Variants in PACS2 observed in about 807,000 individuals in gnomAD.
The protein encoded by PACS2 is PACS1-like protein.
A neutral mutation model predicts 113.0 loss-of-function variants in PACS2; 36 were observed. That is an observed-to-expected ratio of 0.32 (90% CI 0.24 to 0.42). PACS2 has a LOEUF of 0.42. PACS2 is among the 10% of genes least tolerant of loss of function. The probability of loss-of-function intolerance (pLI) is 1.00; values close to 1 mark genes in which losing one functional copy is unlikely to be tolerated. For missense variants in PACS2, 1,015 were observed against 1,239.5 expected, an observed-to-expected ratio of 0.82 and a Z score of 2.72; for synonymous variants, 589 against 536.1, an observed-to-expected ratio of 1.10 and a Z score of -1.36.
intron 15 of PACS2, 105 bp downstream of exon 15, chr14:105,383,018 G>T: frequency 1.4e-6 from 1 of 705,864 alleles, no homozygotes; most frequent in Admixed American, 2.2e-5. Context: ...TGGACCTGGG[G>T]CTGTGGCTGG....
chr14:105,362,775 T>C (rs142516277), intron 4 of PACS2, among the ~76,000 whole-genome samples: 3,936 of 151,686 alleles, frequency 0.026, 160 homozygotes, highest in African/African-American at 0.087. Flanking sequence ...CGCTTGAACC[T>C]GGGAGGCAGA....
chr14:105,389,119 C>T (rs1190114557), intron 19 of PACS2: 2 of 152,290 alleles, frequency 1.3e-5, no homozygotes, highest in African/African-American at 2.4e-5. Flanking sequence ...AGCTGGACCA[C>T]AGGACAGCCC....
chr14:105,359,631 G>A (rs1480183071), intron 4 of PACS2, among the ~76,000 whole-genome samples: 12 of 115,548 alleles, frequency 1.0e-4, no homozygotes, highest in Admixed American at 2.1e-4. Context: ...TCGCTCTGTC[G>A]CCCAGGCTGG....
intron 4 of PACS2, among the ~76,000 whole-genome samples, chr14:105,362,869 A>G (rs1555406999): frequency 6.6e-6 from 1 of 152,186 alleles, no homozygotes; most frequent in Non-Finnish European, 1.5e-5. Flanking sequence ...ATAAGACTTG[A>G]AAGTTGAAAT....
At position 105,348,330 on chromosome 14, in the gene PACS2, G is replaced by A. The variant is rs981869944; in HGVS notation, c.120-163G>A. Among the ~76,000 whole-genome samples the A allele has an allele frequency of 1.3e-5, 2 of 152,298 alleles. No homozygotes were observed. Among genetic ancestry groups the A allele is most frequent in the Non-Finnish European group, 2.9e-5 (2 of 67,994 alleles). On this transcript the variant is annotated intron_variant, in intron 1 of 24. Coordinates refer to ENST00000447393, the MANE Select transcript of PACS2 (RefSeq NM_001100913.3). This position sits in a 1 kb window ranked among gnomAD's most constrained non-coding sequence, Gnocchi z 6.4. ...CACCATGTGCAGGGACAGCTGGGGT[G>A]ATGTCTTGGAGCCCTGTGAGGTCCT...
chr14:105,363,668 C>G (rs1555407192), intron 4 of PACS2, among the ~76,000 whole-genome samples: 1 of 152,228 alleles, frequency 6.6e-6, no homozygotes, highest in Admixed American at 6.5e-5. Flanking sequence ...GCTGATTCTC[C>G]TTCCTGTGTT....
chr14:105,302,483 A>G (rs1197125918), intron 1 of PACS2, among the ~76,000 whole-genome samples: 1 of 152,096 alleles, frequency 6.6e-6, no homozygotes, highest in African/African-American at 2.4e-5. Flanking sequence ...GATTACAGGC[A>G]TGAGCCACCG....
chr14:105,348,537 T>C lies in PACS2; in HGVS notation c.164T>C (p.Leu55Pro). The C allele has an allele frequency of 6.2e-7, 1 of 1,612,512 alleles. No individual in the cohort carries two copies. Among genetic ancestry groups the C allele is most frequent in the Middle Eastern group, 1.7e-4 (1 of 6,060 alleles). Residue 55 changes from leucine (L) to proline (P), a missense_variant, in exon 2 of 25, where the codon CTG (leucine) becomes CCG (proline). Physicochemically the swap from Leu to Pro is moderately conservative, Grantham distance 98. Coordinates refer to ENST00000447393, the MANE Select transcript of PACS2 (RefSeq NM_001100913.3). This position sits in a 1 kb window ranked among gnomAD's most constrained non-coding sequence, Gnocchi z 6.4. ...TLKKLVVFKE[L>P]EKELISVVIA... Reference sequence around the variant, plus strand: ...AAGAAGCTGGTGGTCTTCAAGGAGCTGGAGAAGGAGCTGATCTCCGTGGTG... The same window carrying C: ...AAGAAGCTGGTGGTCTTCAAGGAGCCGGAGAAGGAGCTGATCTCCGTGGTG...
chr14:105,348,998 A>T lies in PACS2; in HGVS notation c.207+418A>T, dbSNP rs1450031599. 6.6e-6 allele frequency among the ~76,000 whole-genome samples: 1 copy of T among 152,212 alleles called. No homozygotes were observed. The highest frequency in any genetic ancestry group is 1.5e-5 in the Non-Finnish European group (1 of 68,018). ...AGGCGAGGGCCTAGCCAGAACTCCC[A>T]GCCCCTGGTGCCAGGGCCTCTCTCC... On this transcript the variant is annotated intron_variant, in intron 2 of 24. Coordinates refer to ENST00000447393, the MANE Select transcript of PACS2 (RefSeq NM_001100913.3). The surrounding 1 kb of genome is among the most constrained non-coding windows in gnomAD (Gnocchi z 6.4).
chr14:105,352,307 C>A, intron 2 of PACS2, 71 bp from the exon 3 acceptor site: 1 of 968,136 alleles, frequency 1.0e-6, no homozygotes, highest in Non-Finnish European at 1.7e-6. Flanking sequence ...GTGCAGGAGT[C>A]ACGGTGTCTT....
chr14:105,352,783 C>G (rs1216867686), intron 3 of PACS2, among the ~76,000 whole-genome samples: 2 of 132,620 alleles, frequency 1.5e-5, no homozygotes, highest in Non-Finnish European at 3.2e-5. Flanking sequence ...CAGGCCCTCC[C>G]CATCACTGTT....
chr14:105,348,484 G>A lies in PACS2; in HGVS notation c.120-9G>A. 6.2e-7 allele frequency: 1 copy of A among 1,606,962 alleles called. No individual in the cohort carries two copies. Among genetic ancestry groups the A allele is most frequent in the Non-Finnish European group, 8.5e-7 (1 of 1,175,488 alleles). On this transcript the variant is annotated splice_polypyrimidine_tract_variant and intron_variant, in intron 1 of 24. Transcript: ENST00000447393. The surrounding 1 kb of genome is among the most constrained non-coding windows in gnomAD (Gnocchi z 6.4). ...GAGCCCCGAGGCTGAGCTGTGCCTT[G>A]CCTCACAGGTTGTGCAGCCTGACTC...
At chr14:105,350,205 C>T (rs1375499251) in intron 2 of PACS2, among the ~76,000 whole-genome samples, 1 of 152,144 alleles carries the variant, frequency 6.6e-6, no homozygotes, top group Admixed American at 6.5e-5. Context: ...GCCATTGCCA[C>T]CAGGCCGTGA....
At chr14:105,301,574 A>C (rs1029280327) in intron 1 of PACS2, among the ~76,000 whole-genome samples, 9 of 151,970 alleles carry the variant, frequency 5.9e-5, no homozygotes, top group African/African-American at 1.9e-4. Flanking sequence ...GCCAGGGGCC[A>C]CCCTGCCCCG....
At chr14:105,389,858 C>A in intron 19 of PACS2, 103 bp from the exon 20 acceptor site, 2 of 1,057,204 alleles carry the variant, frequency 1.9e-6, no homozygotes, top group South Asian at 2.5e-5. Context: ...GGCAGGGCCG[C>A]GGCCCCAGGG....
At chr14:105,392,436 C>G in intron 22 of PACS2, 183 bp from the exon 23 acceptor site, 1 of 606,260 alleles carries the variant, frequency 1.6e-6, no homozygotes, top group East Asian at 2.8e-5. Context: ...TAAGCAGGAC[C>G]CTTGTGGGGG....
At chr14:105,375,944 T>C (rs2061339061) in intron 8 of PACS2, among the ~76,000 whole-genome samples, 2 of 152,208 alleles carry the variant, frequency 1.3e-5, no homozygotes, top group East Asian at 1.9e-4. Context: ...AGAGGTTTAG[T>C]TGACTCACAG....
chr14:105,369,241 C>G (rs1555408735), intron 7 of PACS2, among the ~76,000 whole-genome samples: 1 of 152,262 alleles, frequency 6.6e-6, no homozygotes, highest in South Asian at 2.1e-4. Flanking sequence ...CTGTGTCTTG[C>G]TGGCCTGGAG....
chr14:105,326,619 C>A (rs143922322), intron 1 of PACS2, among the ~76,000 whole-genome samples: 2,394 of 152,332 alleles, frequency 0.016, 62 homozygotes, highest in African/African-American at 0.052. Flanking sequence ...TGTGTGCCAC[C>A]CAAGTGTCAG....
Sources: allele counts gnomAD v4.1 joint callset (sites outside exome capture counted in the v4.1 genomes callset), GRCh38; gene constraint gnomAD v4.1.1; non-coding constraint Gnocchi (gnomAD v3.1); transcripts MANE v1.5; gene names NCBI Gene and HGNC (gene_info 2026-07-23, HGNC 2026-07-21).